GAREM2: variants seen among roughly 807,000 people sequenced by gnomAD.
The protein encoded by GAREM2 is GRB2-associated and regulator of MAPK protein 2.
Under a neutral mutation model 55.6 loss-of-function variants are expected in GAREM2, and 30 were observed. The observed-to-expected ratio is 0.54, with a 90% CI of 0.40 to 0.73. The LOEUF (loss-of-function observed/expected upper bound fraction) is 0.73, where lower values mean the gene tolerates loss of function less well. Among genes scored for constraint, GAREM2 ranks in the 30% least tolerant of loss-of-function variants. The probability of loss-of-function intolerance (pLI) is 0.00; values close to 1 mark genes in which losing one functional copy is unlikely to be tolerated. For missense variants in GAREM2, 1,075 were observed against 1,257.7 expected (o/e 0.85, Z 2.20); for synonymous variants, 550 against 569.1 (o/e 0.97, Z 0.48).
At position 26,184,631 on chromosome 2, in the gene GAREM2, G is replaced by A; in HGVS notation, c.783G>A (p.Val261=). The change falls in exon 4 of 6, where the codon GTG becomes GTA. Residue 261 remains valine, a synonymous_variant. Coordinates refer to ENST00000401533, the MANE Select transcript of GAREM2 (RefSeq NM_001168241.2). ...CGGTGCGCGCCATCATCGAGCGCGT[G>A]AGGCTGCCGGTGAACGTGCTGGTGC... ...EHTVRAIIER[V]RLPVNVLVPS... The A allele has an allele frequency of 6.5e-7, 1 of 1,547,430 alleles. No homozygotes were observed. Among genetic ancestry groups the A allele is most frequent in the East Asian group, 2.5e-5 (1 of 40,656 alleles).
intron 1 of GAREM2, among the ~76,000 whole-genome samples, chr2:26,173,874 C>A (rs1458470834): frequency 6.6e-6 from 1 of 152,190 alleles, no homozygotes; most frequent in Non-Finnish European, 1.5e-5. Context: ...CGGCGGGAGC[C>A]GGGTCTGCTG....
chr2:26,191,682 C>T (rs1669510005), downstream of GAREM2: 1 of 1,575,874 alleles, frequency 6.3e-7, no homozygotes, highest in African/African-American at 1.3e-5. Context: ...GGAGGAAAGC[C>T]AGAGCCGCAG....
the GAREM2 span, among the ~76,000 whole-genome samples, chr2:26,195,796 G>A: frequency 1.3e-5 from 2 of 152,224 alleles, no homozygotes; most frequent in Admixed American, 6.5e-5. Flanking sequence ...ACCTGGGAGC[G>A]TTAGGCCTGC....
chr2:26,178,351 C>G (rs1668929186), intron 2 of GAREM2, among the ~76,000 whole-genome samples: 1 of 151,996 alleles, frequency 6.6e-6, no homozygotes, highest in Admixed American at 6.6e-5. Context: ...CCTTTGAGGC[C>G]AGGAGTTCCA....
At chr2:26,174,146 C>G (rs925188468) in intron 1 of GAREM2, among the ~76,000 whole-genome samples, 6 of 152,308 alleles carry the variant, frequency 3.9e-5, no homozygotes, top group East Asian at 3.9e-4. Flanking sequence ...TTGGCACACT[C>G]GCTTCCATGA....
Position 26,187,475 on chromosome 2 carries a change from T to G in GAREM2, c.1843T>G (p.Phe615Val). 6.5e-7 allele frequency: 1 copy of G among 1,548,084 alleles called. No homozygotes were observed. Among genetic ancestry groups the G allele is most frequent in the Non-Finnish European group, 8.7e-7 (1 of 1,145,366 alleles). The stretch of plus-strand genomic sequence containing the variant: ...GACCTACCACAGCTGCCCTCCTCTA[T>G]TCAAGCCCTCACATCCCCAGAAGCG... Reference protein sequence around the residue: ...VKTYHSCPPLFKPSHPQKRFA... With the variant: ...VKTYHSCPPLVKPSHPQKRFA... The change falls in exon 6 of 6, where the codon TTC becomes GTC. Residue 615 changes from phenylalanine (F) to valine (V), a missense_variant. This residue lies in a region of GAREM2 where 515 missense variants were observed against 501.5 expected (regional missense o/e 1.03). Coordinates refer to ENST00000401533, the MANE Select transcript of GAREM2 (RefSeq NM_001168241.2).
At position 26,179,650 on chromosome 2, in the gene GAREM2, G is replaced by T. The variant is rs1350064588; in HGVS notation, c.253+3166G>T. 1.3e-5 allele frequency among the ~76,000 whole-genome samples: 2 copies of T among 151,860 alleles called. No homozygotes were observed. Among genetic ancestry groups the T allele is most frequent in the East Asian group, 3.9e-4 (2 of 5,110 alleles). On this transcript the variant is annotated intron_variant, in intron 2 of 5. Coordinates refer to ENST00000401533, the MANE Select transcript of GAREM2 (RefSeq NM_001168241.2). The surrounding 1 kb of genome is among the most constrained non-coding windows in gnomAD (Gnocchi z 4.7). Reference sequence around the variant, plus strand: ...GGACCTCAGGTTCCATACAGGGGGAGGCAGGAGAGGAAGCCGCCCCTGGGC... The same window carrying T: ...GGACCTCAGGTTCCATACAGGGGGATGCAGGAGAGGAAGCCGCCCCTGGGC...
Position 26,180,133 on chromosome 2 carries a change from G to T in GAREM2, c.254-2834G>T, listed in dbSNP as rs184041019. Among the ~76,000 whole-genome samples, 1,138 of 152,232 alleles carry T rather than the reference G, an allele frequency of 7.5e-3. 11 individuals carry two copies. Among genetic ancestry groups the T allele is most frequent in the African/African-American group, 0.026 (1,093 of 41,550 alleles). On this transcript the variant is annotated intron_variant, in intron 2 of 5. Transcript: ENST00000401533. The stretch of plus-strand genomic sequence containing the variant: ...CAGGGCGGGGAGGGCAGGCCTGGGG[G>T]CTCCCCCGCCAGCGTTCTCCTAGTC...
In GAREM2 at chr2:26,176,265, C is replaced by T. The variant is rs541737293; in HGVS notation, c.113-79C>T. ...CTCAGGGGGGCGGTCTTGGTGAGGA[C>T]GTCACTATCTGTTCTTTCTGCCCCT... On this transcript the variant is annotated intron_variant, in intron 1 of 5. Coordinates refer to ENST00000401533, the MANE Select transcript of GAREM2 (RefSeq NM_001168241.2). 434 of 1,368,514 alleles carry T rather than the reference C, an allele frequency of 3.2e-4. 1 individual carries two copies. In the African/African-American group the frequency reaches 5.6e-3, roughly 18 times the overall value. 84.8% of individuals were successfully genotyped at this position (1,368,514 alleles called of 1,614,324 possible).
chr2:26,190,157 C>T (rs1292108888), downstream of GAREM2, among the ~76,000 whole-genome samples: 1 of 152,178 alleles, frequency 6.6e-6, no homozygotes, highest in Non-Finnish European at 1.5e-5. Context: ...ATCTCCTTGC[C>T]TGCCAGTCCC....
the GAREM2 span, chr2:26,195,081 C>G: frequency 3.4e-3 from 5,410 of 1,608,628 alleles, 151 homozygotes; most frequent in African/African-American, 0.063. Flanking sequence ...CTCTGTTATA[C>G]AGCCCCTTAC....
chr2:26,180,881 G>A (rs146654280), intron 2 of GAREM2: 37,473 of 985,190 alleles, frequency 0.038, 799 homozygotes, highest in Non-Finnish European at 0.042. Flanking sequence ...GCCTCCCAAA[G>A]TGCTGGGTTA....
At chr2:26,191,966 G>A (rs563163310), downstream of GAREM2, among the ~76,000 whole-genome samples, 339 of 152,294 alleles carry the variant, frequency 2.2e-3, no homozygotes, top group African/African-American at 8.0e-3. Flanking sequence ...TCCTTCCAGC[G>A]GCTCTCTGGG....
At position 26,186,353 on chromosome 2, in the gene GAREM2, G is replaced by C. The variant is rs769776103; in HGVS notation, c.1593G>C (p.Gln531His). The part of the protein sequence containing the change: ...SSLSYYSSGL[Q>H]DGAGSRSGSG... ...TCTCCTACTACTCCTCTGGCCTCCA[G>C]GATGGGTGAGTCCCTGCCTTCCCTT... The change falls in exon 5 of 6, where the codon CAG (glutamine) becomes CAC (histidine). Residue 531 changes from glutamine (Q) to histidine (H), a missense_variant. Coordinates refer to ENST00000401533, the MANE Select transcript of GAREM2 (RefSeq NM_001168241.2). 6.4e-7 allele frequency: 1 copy of C among 1,551,862 alleles called. No individual in the cohort carries two copies. Among genetic ancestry groups the C allele is most frequent in the South Asian group, 1.2e-5 (1 of 84,050 alleles).
At position 26,187,440 on chromosome 2, in the gene GAREM2, C is replaced by A. The variant is rs972759694; in HGVS notation, c.1808C>A (p.Thr603Asn). ...GRAASLLGAD[T>N]PVKTYHSCPP... Reference sequence around the variant, plus strand: ...GCCGCCTCCCTTCTGGGGGCTGACACCCCTGTTAAGACCTACCACAGCTGC... The same window carrying A: ...GCCGCCTCCCTTCTGGGGGCTGACAACCCTGTTAAGACCTACCACAGCTGC... The change falls in exon 6 of 6, where the codon ACC becomes AAC. Residue 603 changes from threonine to asparagine, a missense_variant. Transcript: ENST00000401533. The A allele has an allele frequency of 6.5e-7, 1 of 1,548,284 alleles. No individual in the cohort carries two copies. The highest frequency in any genetic ancestry group is 2.4e-5 in the East Asian group (1 of 40,850).
chr2:26,185,852 T>C (rs1474111558), intron 4 of GAREM2, among the ~76,000 whole-genome samples: 1 of 152,216 alleles, frequency 6.6e-6, no homozygotes, highest in Admixed American at 6.5e-5. Context: ...CTTTCCTTTG[T>C]CCTCTGCTTT....
chr2:26,173,397 GC>G, intron 1 of GAREM2, 65 bp downstream of exon 1: 2 of 930,602 alleles, frequency 2.1e-6, no homozygotes, highest in Non-Finnish European at 2.9e-6. Flanking sequence ...CCAGCCAGGG[GC>G]CAGAGGGATC....
intron 2 of GAREM2, chr2:26,182,319 T>A: frequency 2.0e-6 from 3 of 1,469,274 alleles, no homozygotes; most frequent in Non-Finnish European, 2.7e-6. Context: ...TGGGTTCAGG[T>A]CAGAGCCTCT....
chr2:26,184,340 C>G lies in GAREM2; in HGVS notation c.492C>G (p.Thr164=). The G allele has an allele frequency of 5.2e-6, 8 of 1,550,150 alleles. No homozygotes were observed. Among genetic ancestry groups the G allele is most frequent in the Non-Finnish European group, 7.0e-6 (8 of 1,146,460 alleles). ...AGGCGGAGATCCTGTGCGCCAAGAC[C>G]ACCAAGGAGCGCTCGCGCTTCACCA... ...MGQAEILCAK[T]TKERSRFTTL... is the part of the protein sequence containing the mutation. The change falls in exon 4 of 6, where the codon ACC becomes ACG. Residue 164 remains threonine (T), a synonymous_variant. Coordinates refer to ENST00000401533, the MANE Select transcript of GAREM2 (RefSeq NM_001168241.2).
Sources: allele counts gnomAD v4.1 joint callset (sites outside exome capture counted in the v4.1 genomes callset), GRCh38; gene constraint gnomAD v4.1.1; regional missense constraint gnomAD v4.1.1; non-coding constraint Gnocchi (gnomAD v3.1); transcripts MANE v1.5; gene names NCBI Gene and HGNC (gene_info 2026-07-23, HGNC 2026-07-21).